ZNF695: variants seen among roughly 807,000 people sequenced by gnomAD.
The protein encoded by ZNF695 is zinc finger protein 695.
A neutral mutation model predicts 11.2 loss-of-function variants in ZNF695; 11 were observed. The ratio of observed to expected loss-of-function variants is 0.98; its 90% CI spans 0.62 to 1.62. ZNF695 has a LOEUF of 1.62. ZNF695 is among the 40% of genes most tolerant of loss of function. The pLI, the probability that ZNF695 is intolerant of heterozygous loss-of-function variation, is 0.00. For synonymous variants in ZNF695, 190 were observed against 201.4 expected (o/e 0.94, Z 0.48); for missense variants, 559 against 590.5 (o/e 0.95, Z 0.55).
intron 1 of ZNF695, among the ~76,000 whole-genome samples, chr1:247,006,955 A>G (rs2103036164): frequency 6.6e-6 from 1 of 152,358 alleles, no homozygotes; most frequent in South Asian, 2.1e-4. Flanking sequence ...AACAAAACGT[A>G]GGCTTAACCA....
chr1:246,993,131 G>C (rs756816673), intron 3 of ZNF695, among the ~76,000 whole-genome samples: 2 of 152,168 alleles, frequency 1.3e-5, no homozygotes, highest in Non-Finnish European at 2.9e-5. Context: ...GAAAATAGCC[G>C]GGTGCAGTGG....
At chr1:247,001,411 A>AG (rs1157965021) in intron 1 of ZNF695, among the ~76,000 whole-genome samples, 1 of 151,812 alleles carries the variant, frequency 6.6e-6, no homozygotes, top group Non-Finnish European at 1.5e-5. Context: ...TAAAAAAAAA[A>AG]AAAGAAAGAA....
intron 5 of ZNF695, among the ~76,000 whole-genome samples, chr1:246,955,726 C>T (rs1025392754): frequency 6.6e-6 from 1 of 152,176 alleles, no homozygotes; most frequent in African/African-American, 2.4e-5. Context: ...GTTAACTTTT[C>T]AAAGTCCGTT....
intron 1 of ZNF695, among the ~76,000 whole-genome samples, chr1:247,007,558 A>T (rs1669576927): frequency 6.6e-6 from 1 of 151,496 alleles, no homozygotes; most frequent in African/African-American, 2.4e-5. Flanking sequence ...CCCACCCAGG[A>T]ACCTTTCACG....
At chr1:246,983,373 T>A (rs1374958062), downstream of ZNF695, among the ~76,000 whole-genome samples, 1 of 151,744 alleles carries the variant, frequency 6.6e-6, no homozygotes, top group Non-Finnish European at 1.5e-5. Flanking sequence ...TAAAAAAAAT[T>A]AGCTGGGCAT....
In ZNF695 at chr1:246,999,352, G is replaced by A. The variant is rs1669298583; in HGVS notation, c.255C>T (p.His85=). The A allele has an allele frequency of 3.7e-6, 6 of 1,612,436 alleles. No individual in the cohort carries two copies. The African/African-American group carries it at 5.3e-5, about 14-fold the overall frequency. ...WNVNTEKTAR[H]SVLSSYLTED... ...GCTTCATTCACTCCCACCTACCTGAGTGTCTGGCTGTCTTCTCTGTGTTCA... is the reference window on the plus strand; with the variant it reads ...GCTTCATTCACTCCCACCTACCTGAATGTCTGGCTGTCTTCTCTGTGTTCA... Residue 85 remains histidine, a synonymous_variant, in exon 3 of 4, where the codon CAC becomes CAT. Transcript: ENST00000339986.
Position 246,999,901 on chromosome 1 carries a change from G to T in ZNF695, c.166+11C>A, listed in dbSNP as rs1219018413. ...AAAACATTCTACAAAGGAAAAAGAT[G>T]AAATCCTTACTGTGAAATAGGAATT... On this transcript the variant is annotated intron_variant, in intron 2 of 3. Coordinates refer to ENST00000339986, the MANE Select transcript of ZNF695 (RefSeq NM_020394.5). 6.2e-7 allele frequency: 1 copy of T among 1,612,854 alleles called. No individual in the cohort carries two copies. Among genetic ancestry groups the T allele is most frequent in the Non-Finnish European group, 8.5e-7 (1 of 1,179,336 alleles).
intron 5 of ZNF695, among the ~76,000 whole-genome samples, chr1:246,948,720 T>C (rs939554728): frequency 6.6e-6 from 1 of 152,194 alleles, no homozygotes; most frequent in East Asian, 1.9e-4. Context: ...TTGCACAATT[T>C]AGCACTAAGA....
In ZNF695 at chr1:246,985,525, C is replaced by T. The variant is rs1232971284; in HGVS notation, c.*1442G>A. On this transcript the variant is annotated 3_prime_UTR_variant, in exon 4 of 4. Coordinates refer to ENST00000339986, the MANE Select transcript of ZNF695 (RefSeq NM_020394.5). ...TTGTATTGTTACCATTTGTTACCTA[C>T]AACCGTAACTAAGGTGAGATAGGTT... is the stretch of plus-strand genomic sequence containing the variant. 23 of 985,290 alleles carry T rather than the reference C, an allele frequency of 2.3e-5. No individual in the cohort carries two copies. The highest frequency in any genetic ancestry group is 2.7e-5 in the Non-Finnish European group (22 of 829,936). 61.0% of individuals were successfully genotyped at this position (985,290 alleles called of 1,614,324 possible).
At chr1:247,007,081 C>G (rs1285927914) in intron 1 of ZNF695, among the ~76,000 whole-genome samples, 1 of 152,206 alleles carries the variant, frequency 6.6e-6, no homozygotes, top group Non-Finnish European at 1.5e-5. Context: ...GTTGCTTCCT[C>G]GTGCACCTTA....
At chr1:246,989,671 T>TA (rs1233034987) in intron 3 of ZNF695, among the ~76,000 whole-genome samples, 1 of 152,104 alleles carries the variant, frequency 6.6e-6, no homozygotes, top group African/African-American at 2.4e-5. Flanking sequence ...TCAAAAGAAA[T>TA]AGACTGGCTG....
Position 246,986,994 on chromosome 1 carries a change from A to C in ZNF695, c.1521T>G (p.Leu507=), listed in dbSNP as rs1668869346. 5 of 1,593,268 alleles carry C rather than the reference A, an allele frequency of 3.1e-6. No homozygotes were observed. The African/African-American group carries it at 5.4e-5, about 17-fold the overall frequency. The change falls in exon 4 of 4, where the codon CTT becomes CTG. Residue 507 remains leucine, a synonymous_variant. Transcript: ENST00000339986. ...CGKAFNHSAQ[L]AVHEKTHT ...AGGTATGAGTTTTCTCATGTACAGCAAGTTGTGCAGAGTGGTTAAAGGCTT... is the reference window on the plus strand; with the variant it reads ...AGGTATGAGTTTTCTCATGTACAGCCAGTTGTGCAGAGTGGTTAAAGGCTT...
At chr1:246,976,993 T>C (rs970240413) in intron 4 of ZNF695, among the ~76,000 whole-genome samples, 2 of 152,140 alleles carry the variant, frequency 1.3e-5, no homozygotes, top group Non-Finnish European at 2.9e-5. Context: ...GGGACACATA[T>C]CCAAACTACA....
At position 246,963,316 on chromosome 1, in the gene ZNF695, C is replaced by T. The variant is rs529203141; in HGVS notation, c.488+4379G>A. 1.2e-4 allele frequency among the ~76,000 whole-genome samples: 19 copies of T among 152,248 alleles called. No homozygotes were observed. The East Asian group carries it at 2.7e-3, about 22-fold the overall frequency. On this transcript the variant is annotated intron_variant, in intron 5 of 5. Coordinates refer to the ZNF695 transcript ENST00000487338. Reference sequence around the variant, plus strand: ...AACAGACAAAACTGGCCATGTGCAGCGGCTCATGCCTGTAATCCTAGTACT... The same window carrying T: ...AACAGACAAAACTGGCCATGTGCAGTGGCTCATGCCTGTAATCCTAGTACT...
intron 4 of ZNF695, among the ~76,000 whole-genome samples, chr1:246,974,126 C>T (rs1033464594): frequency 6.7e-6 from 1 of 148,566 alleles, no homozygotes; most frequent in African/African-American, 2.5e-5. Flanking sequence ...TTATTAATTG[C>T]CTAGCTTATT....
At chr1:246,997,739 C>A (rs1374926051) in intron 3 of ZNF695, among the ~76,000 whole-genome samples, 1 of 152,018 alleles carries the variant, frequency 6.6e-6, no homozygotes, top group Non-Finnish European at 1.5e-5. Context: ...AAGCAATAAA[C>A]ATAATGAAAT....
Position 246,970,801 on chromosome 1 carries a change from C to A in ZNF695, c.391-3009G>T, listed in dbSNP as rs181196097. ...TTGTGTTTTGAGACGAAGTCTCGCT[C>A]TGTCGCCCAGGCTGGAGTGCAATGG... On this transcript the variant is annotated intron_variant, in intron 4 of 5. Transcript: ENST00000487338. Among the ~76,000 whole-genome samples, 629 of 152,358 alleles carry A rather than the reference C, an allele frequency of 4.1e-3. 3 individuals are homozygous for A. Among genetic ancestry groups the A allele is most frequent in the African/African-American group, 0.013 (546 of 41,584 alleles).
chr1:246,987,218 C>T lies in ZNF695; in HGVS notation c.1297G>A (p.Glu433Lys). 2 of 1,613,804 alleles carry T rather than the reference C, an allele frequency of 1.2e-6. No homozygotes were observed. The highest frequency in any genetic ancestry group is 2.2e-5 in the East Asian group (1 of 44,836). Residue 433 changes from glutamate (E) to lysine (K), a missense_variant, in exon 4 of 4, where the codon GAG (glutamate) becomes AAG (lysine). Transcript: ENST00000339986. ...CATTCATCACATTTGTAGGGTTTCT[C>T]TCCAGTATGAATTCTCTTATGTTGA... ...LTQHKRIHTG[E>K]KPYKCDECGK...
At chr1:247,001,069 A>G (rs1053060825) in intron 1 of ZNF695, among the ~76,000 whole-genome samples, 22 of 152,178 alleles carry the variant, frequency 1.4e-4, no homozygotes, top group Admixed American at 1.1e-3. Context: ...GAATGTAAAC[A>G]GGCTAAATGC....
Sources: gnomAD v4.1 joint callset for allele counts (sites outside exome capture counted in the v4.1 genomes callset) on GRCh38, gnomAD v4.1.1 for gene constraint, MANE v1.5 for transcripts, NCBI Gene and HGNC (gene_info 2026-07-23, HGNC 2026-07-21) for gene names.